Variants in CCDC7 observed in about 807,000 individuals in gnomAD.
CCDC7 encodes the protein coiled-coil domain containing 7, also known as coiled-coil domain-containing protein 7.
A neutral mutation model predicts 196.9 loss-of-function variants in CCDC7; 183 were observed. The observed-to-expected ratio is 0.93, with a 90% confidence interval of 0.82 to 1.05. CCDC7 has a LOEUF of 1.05. Ranked by LOEUF, CCDC7 falls within the 50% of genes least tolerant of loss-of-function variation. The pLI is 0.00. For missense variants in CCDC7, 1,540 were observed against 1,482.2 expected (o/e 1.04, Z -0.64); for synonymous variants, 525 against 484.6 (o/e 1.08, Z -1.10).
At chr10:32,834,527 A>G (rs1207592597) in intron 32 of CCDC7, among the ~76,000 whole-genome samples, 1 of 152,118 alleles carries the variant, frequency 6.6e-6, no homozygotes, top group Non-Finnish European at 1.5e-5. Context: ...AAGGAGTAAC[A>G]AACATCTATT....
intron 31 of CCDC7, among the ~76,000 whole-genome samples, chr10:32,818,463 G>T (rs1215291444): frequency 6.6e-6 from 1 of 152,114 alleles, no homozygotes; most frequent in Non-Finnish European, 1.5e-5. Context: ...TCCAGGAATT[G>T]AACTCAGCTC....
intron 20 of CCDC7, among the ~76,000 whole-genome samples, chr10:32,651,241 C>T (rs932662744): frequency 9.9e-5 from 15 of 152,178 alleles, no homozygotes; most frequent in Non-Finnish European, 1.6e-4. Flanking sequence ...AGTCTCTTAA[C>T]TCACCCCTTC....
Position 32,503,489 on chromosome 10 carries a change from G to T in CCDC7, c.872+11492G>T, listed in dbSNP as rs78127263. Reference sequence around the variant, plus strand: ...TGCACTCCAGGGATAAATTCCACTTGATCATGGTGAATGATCCCTTTAATG... The same window carrying T: ...TGCACTCCAGGGATAAATTCCACTTTATCATGGTGAATGATCCCTTTAATG... On this transcript the variant is annotated intron_variant, in intron 9 of 41. Coordinates refer to ENST00000639629, the Ensembl canonical transcript of CCDC7. 7.9e-3 allele frequency among the ~76,000 whole-genome samples: 1,203 copies of T among 152,208 alleles called. 6 individuals are homozygous for T. The highest frequency in any genetic ancestry group is 0.02 in the Middle Eastern group (6 of 294).
chr10:32,828,883 T>C (rs1565637251), intron 32 of CCDC7, among the ~76,000 whole-genome samples: 2 of 152,278 alleles, frequency 1.3e-5, no homozygotes, highest in South Asian at 2.1e-4. Context: ...TCCTGTGACA[T>C]TACTTTCTGC....
chr10:32,711,665 A>AT lies in CCDC7; in HGVS notation c.2506dup (p.Ser836PhefsTer16). On this transcript the variant is annotated frameshift_variant, in exon 25 of 42. Coordinates refer to ENST00000639629, the Ensembl canonical transcript of CCDC7. LOFTEE classifies it high-confidence loss of function. ...GAAAATCCTATGCTTAAACATCAAG[A>AT]TTCAGTGTCAAAAATCCAAGTGCAA... is the stretch of plus-strand genomic sequence containing the variant. 2 of 1,596,862 alleles carry AT rather than the reference A, an allele frequency of 1.3e-6. No individual in the cohort carries two copies. Among genetic ancestry groups the AT allele is most frequent in the Non-Finnish European group, 1.7e-6 (2 of 1,174,346 alleles).
chr10:32,522,935 C>A (rs1416708101), intron 11 of CCDC7, among the ~76,000 whole-genome samples: 1 of 152,068 alleles, frequency 6.6e-6, no homozygotes. Context: ...CATTCAGGAG[C>A]ATATTTTTTA....
intron 13 of CCDC7, among the ~76,000 whole-genome samples, chr10:32,559,454 C>T (rs551163382): frequency 2.5e-4 from 38 of 152,262 alleles, no homozygotes; most frequent in African/African-American, 8.7e-4. Context: ...CTCACACGGC[C>T]GGGTACTCCT....
At chr10:32,559,754 A>T (rs1013805440) in intron 13 of CCDC7, among the ~76,000 whole-genome samples, 10 of 152,332 alleles carry the variant, frequency 6.6e-5, no homozygotes, top group Admixed American at 2.0e-4. Flanking sequence ...AAACTCTAAA[A>T]AGCAGAGCAC....
intron 16 of CCDC7, among the ~76,000 whole-genome samples, chr10:32,579,272 T>TAGTGCATTG: frequency 6.6e-6 from 1 of 152,246 alleles, no homozygotes; most frequent in East Asian, 1.9e-4. Flanking sequence ...TAGCATTGCA[T>TAGTGCATTG]AGTGCATTGA....
intron 31 of CCDC7, among the ~76,000 whole-genome samples, chr10:32,822,975 C>A (rs1323864605): frequency 2.0e-5 from 3 of 152,150 alleles, no homozygotes; most frequent in African/African-American, 7.2e-5. Context: ...ATCTAAAAAT[C>A]CTCTGATTTC....
intron 33 of CCDC7, among the ~76,000 whole-genome samples, chr10:32,840,815 G>A (rs189157537): frequency 6.6e-6 from 1 of 152,030 alleles, no homozygotes; most frequent in East Asian, 1.9e-4. Context: ...ATGATCTAGT[G>A]GGTTTCATAA....
intron 9 of CCDC7, chr10:32,511,949 A>T: frequency 1.8e-6 from 1 of 564,196 alleles, no homozygotes; most frequent in Non-Finnish European, 3.1e-6. Context: ...TTAAATTATT[A>T]TGCATAAATT....
At chr10:32,751,755 T>C (rs1221951881) in intron 28 of CCDC7, among the ~76,000 whole-genome samples, 1 of 152,158 alleles carries the variant, frequency 6.6e-6, no homozygotes, top group Non-Finnish European at 1.5e-5. Flanking sequence ...CTTGTGCTGA[T>C]ACCAGTGAAT....
intron 9 of CCDC7, among the ~76,000 whole-genome samples, chr10:32,494,772 C>T (rs1460017370): frequency 6.6e-6 from 1 of 152,176 alleles, no homozygotes; most frequent in Non-Finnish European, 1.5e-5. Context: ...ATATGTGCCA[C>T]ATTTGCTTTA....
At chr10:32,685,541 TG>T (rs1166556991) in intron 21 of CCDC7, among the ~76,000 whole-genome samples, 1 of 152,196 alleles carries the variant, frequency 6.6e-6, no homozygotes, top group East Asian at 1.9e-4. Context: ...TTCTCTCCCT[TG>T]GACACCCCTA....
At chr10:32,591,994 A>T (rs563509455) in intron 18 of CCDC7, among the ~76,000 whole-genome samples, 1 of 152,010 alleles carries the variant, frequency 6.6e-6, no homozygotes, top group South Asian at 2.1e-4. Context: ...TTTGGTGCTC[A>T]TGTGGAGAGG....
In CCDC7 at chr10:32,459,487, A is replaced by G. The variant is rs763370965; in HGVS notation, c.456+3153A>G. Among the ~76,000 whole-genome samples the G allele has an allele frequency of 8.1e-4, 124 of 152,180 alleles. 1 individual carries two copies. The highest frequency in any genetic ancestry group is 4.5e-3 in the Admixed American group (69 of 15,278). On this transcript the variant is annotated intron_variant, in intron 3 of 41. Transcript: ENST00000639629. ...TTAAGACTGCTACTGTGCTCAAGGA[A>G]GGGGTGGGGCAAGACCGAGTTAAAA... is the stretch of plus-strand genomic sequence containing the variant.
intron 18 of CCDC7, among the ~76,000 whole-genome samples, chr10:32,607,053 G>A (rs1377885399): frequency 7.2e-5 from 11 of 152,148 alleles, no homozygotes; most frequent in African/African-American, 9.7e-5. Context: ...CAGATCCCCC[G>A]TGGCTTGGTG....
intron 30 of CCDC7, among the ~76,000 whole-genome samples, chr10:32,810,934 G>T (rs1331740220): frequency 6.6e-6 from 1 of 151,940 alleles, no homozygotes; most frequent in Non-Finnish European, 1.5e-5. Flanking sequence ...TCAATGAAGA[G>T]ATTAAAAAGG....
Sources: gnomAD v4.1 joint callset for allele counts (sites outside exome capture counted in the v4.1 genomes callset) on GRCh38, gnomAD v4.1.1 for gene constraint, MANE v1.5 for transcripts, NCBI Gene and HGNC (gene_info 2026-07-23, HGNC 2026-07-21) for gene names.